The following TRIM66 variants were observed in gnomAD, a reference collection of about 807,000 sequenced individuals.
TRIM66 encodes the protein tripartite motif containing 66, also known as tripartite motif-containing protein 66.
Under a neutral mutation model 148.2 loss-of-function variants are expected in TRIM66, and 99 were observed. The observed-to-expected ratio is 0.67, with a 90% CI of 0.57 to 0.79. The LOEUF (loss-of-function observed/expected upper bound fraction) is 0.79, where lower values mean the gene tolerates loss of function less well. Among genes scored for constraint, TRIM66 ranks in the 30% least tolerant of loss-of-function variants. TRIM66 has a pLI of 0.00. For missense variants in TRIM66, 1,666 were observed against 1,697.9 expected (o/e 0.98, Z 0.33); for synonymous variants, 616 against 635.9 (o/e 0.97, Z 0.47).
upstream of TRIM66, chr11:8,682,962 G>A (rs1327265250): frequency 9.5e-6 from 11 of 1,157,476 alleles, no homozygotes; most frequent in Non-Finnish European, 1.4e-5. Flanking sequence ...GCCGGCGCGG[G>A]CCCGGGGCGG....
chr11:8,677,567 C>T (rs1414708022), intron 3 of TRIM66, among the ~76,000 whole-genome samples: 2 of 151,658 alleles, frequency 1.3e-5, no homozygotes, highest in Non-Finnish European at 3.0e-5. Flanking sequence ...CTGCTTGAGG[C>T]TAGCAGTTTG....
intron 1 of TRIM66, among the ~76,000 whole-genome samples, chr11:8,681,815 T>G (rs200771527): frequency 6.6e-6 from 1 of 151,982 alleles, no homozygotes; most frequent in Non-Finnish European, 1.5e-5. Context: ...TACTAGATTG[T>G]GTGGTGGTAC....
intron 6 of TRIM66, among the ~76,000 whole-genome samples, chr11:8,658,492 C>T (rs968178475): frequency 2.6e-5 from 4 of 152,184 alleles, no homozygotes; most frequent in African/African-American, 4.8e-5. Flanking sequence ...TGCCCCGATC[C>T]GGCAGCTCAT....
At chr11:8,635,890 A>G (rs1434348363) in intron 15 of TRIM66, among the ~76,000 whole-genome samples, 4 of 152,214 alleles carry the variant, frequency 2.6e-5, no homozygotes, top group African/African-American at 9.7e-5. Context: ...GTATAGGAAC[A>G]GAACTGAACC....
chr11:8,664,186 G>C (rs760256174), intron 6 of TRIM66, among the ~76,000 whole-genome samples: 1 of 152,198 alleles, frequency 6.6e-6, no homozygotes, highest in Non-Finnish European at 1.5e-5. Flanking sequence ...TAACTGGCTA[G>C]ATTTAGTCAT....
chr11:8,659,183 G>A (rs569901134), intron 6 of TRIM66, among the ~76,000 whole-genome samples: 9 of 152,148 alleles, frequency 5.9e-5, no homozygotes, highest in Admixed American at 1.3e-4. Context: ...TGGAAAGACC[G>A]GAAGGAGAGT....
At chr11:8,649,996 G>C (rs2133235853) in intron 7 of TRIM66, 109 bp from the exon 8 acceptor site, 1 of 1,302,300 alleles carries the variant, frequency 7.7e-7, no homozygotes, top group East Asian at 2.5e-5. Flanking sequence ...TCCTCCACCA[G>C]TTTGGAGTGT....
intron 15 of TRIM66, among the ~76,000 whole-genome samples, chr11:8,631,129 C>T (rs535877382): frequency 7.2e-5 from 11 of 152,272 alleles, no homozygotes; most frequent in African/African-American, 2.6e-4. Flanking sequence ...ACCTAGATTT[C>T]CCAAGCTCAT....
intron 23 of TRIM66, 52 bp downstream of exon 23, chr11:8,619,331 C>G: frequency 2.2e-6 from 3 of 1,388,158 alleles, no homozygotes; most frequent in Non-Finnish European, 1.9e-6. Context: ...CCACCCATGA[C>G]AGTCCTGGGG....
intron 3 of TRIM66, among the ~76,000 whole-genome samples, chr11:8,675,749 T>A (rs1373147838): frequency 1.3e-5 from 2 of 151,918 alleles, no homozygotes; most frequent in Non-Finnish European, 2.9e-5. Context: ...TTTATTTATT[T>A]ATTAATTTTT....
At chr11:8,667,487 G>C (rs2067062285) in intron 6 of TRIM66, among the ~76,000 whole-genome samples, 1 of 152,086 alleles carries the variant, frequency 6.6e-6, no homozygotes, top group African/African-American at 2.4e-5. Context: ...AATGTGTAAG[G>C]AACTTCTACA....
Position 8,640,408 on chromosome 11 carries a change from T to C in TRIM66, c.1967A>G (p.Lys656Arg). The change falls in exon 14 of 25, where the codon AAG (lysine) becomes AGG (arginine). Residue 656 changes from lysine to arginine, a missense_variant. This residue lies in a region of TRIM66 where 1,431 missense variants were observed against 1,412.4 expected (regional missense o/e 1.01). Transcript: ENST00000646038. ...CTTCTGCATTTCCTCCAGCTCAAAC[T>C]TGTGATGCATTATGTCCATGTTCTG... ...CSQNMDIMHH[K>R]FELEEMQKDL... The C allele has an allele frequency of 6.4e-7, 1 of 1,551,944 alleles. No homozygotes were observed. The highest frequency in any genetic ancestry group is 1.2e-5 in the South Asian group (1 of 84,048).
At chr11:8,682,686 C>G, upstream of TRIM66, 2 of 1,113,870 alleles carry the variant, frequency 1.8e-6, no homozygotes, top group Non-Finnish European at 2.7e-6. Flanking sequence ...CGCGCAATCC[C>G]GCGAGACCAG....
At chr11:8,625,911 T>C (rs909020308) in intron 15 of TRIM66, among the ~76,000 whole-genome samples, 1 of 152,166 alleles carries the variant, frequency 6.6e-6, no homozygotes. Flanking sequence ...ACCAAGATAT[T>C]TGAAGGTCTT....
chr11:8,674,679 C>A (rs1250656423), intron 4 of TRIM66, 127 bp downstream of exon 4: 1 of 151,816 alleles, frequency 6.6e-6, no homozygotes, highest in African/African-American at 2.4e-5. Flanking sequence ...AGCCACTGCA[C>A]CCAGCCTAAA....
chr11:8,635,655 G>A (rs942308730), intron 15 of TRIM66, among the ~76,000 whole-genome samples: 1 of 152,172 alleles, frequency 6.6e-6, no homozygotes, highest in African/African-American at 2.4e-5. Context: ...AAGAATGCCA[G>A]GCCATCTGCC....
chr11:8,622,764 T>C (rs2141856583), intron 18 of TRIM66, 52 bp downstream of exon 18: 1 of 1,493,470 alleles, frequency 6.7e-7, no homozygotes, highest in Admixed American at 2.0e-5. Flanking sequence ...TGTGCCAGCA[T>C]CTCAGGACGT....
chr11:8,659,269 T>G lies in TRIM66; in HGVS notation c.341-7366A>C, dbSNP rs114142211. ...TAAAATAAAAGGCAGCCCAAAAAGT[T>G]TCTGGAGAGTGACTGAGCTGGGCTT... is the stretch of plus-strand genomic sequence containing the variant. On this transcript the variant is annotated intron_variant, in intron 6 of 24. Coordinates refer to ENST00000646038, the MANE Select transcript of TRIM66 (RefSeq NM_001388022.1). 6.7e-3 allele frequency among the ~76,000 whole-genome samples: 1,019 copies of G among 152,226 alleles called. 11 individuals are homozygous for G. The highest frequency in any genetic ancestry group is 0.022 in the African/African-American group (925 of 41,512).
At chr11:8,620,711 TGGAA>T (rs1345093143) in intron 20 of TRIM66, 139 bp from the exon 21 acceptor site, 4 of 1,375,986 alleles carry the variant, frequency 2.9e-6, no homozygotes, top group Non-Finnish European at 3.8e-6. Context: ...GCCACAGGCT[TGGAA>T]GAAATTCAAT....
Sources: gnomAD v4.1 joint callset for allele counts (sites outside exome capture counted in the v4.1 genomes callset) on GRCh38, gnomAD v4.1.1 for gene constraint, gnomAD v4.1.1 regional missense constraint, MANE v1.5 for transcripts, NCBI Gene and HGNC (gene_info 2026-07-23, HGNC 2026-07-21) for gene names.